Variants in KLHL4 observed in about 807,000 individuals in gnomAD.
KLHL4 encodes kelch like family member 4.
In KLHL4, 17 loss-of-function variants were observed where a neutral mutation model predicts 45.8. That is an observed-to-expected ratio of 0.37 (90% CI 0.25 to 0.56). KLHL4 has a LOEUF of 0.56. Ranked by LOEUF, KLHL4 falls within the 20% of genes least tolerant of loss-of-function variation. The probability of loss-of-function intolerance (pLI) is 0.79; values close to 1 mark genes in which losing one functional copy is unlikely to be tolerated. For synonymous variants in KLHL4, 224 were observed against 189.9 expected (o/e 1.18, Z -1.47); for missense variants, 544 against 544.9 (o/e 1.00, Z 0.02).
At chrX:87,623,530 G>A (rs1922828069) in intron 5 of KLHL4, among the ~76,000 whole-genome samples, 1 of 110,213 alleles carries the variant, frequency 9.1e-6, no homozygotes. Flanking sequence ...CTGACCTTGT[G>A]ATCCACCTGC....
chrX:87,519,777 T>G (rs1358716423), intron 1 of KLHL4, among the ~76,000 whole-genome samples: 1 of 112,175 alleles, frequency 8.9e-6, no homozygotes, highest in East Asian at 2.8e-4. Context: ...CTGCTGAATT[T>G]GGAGATTAAT....
intron 1 of KLHL4, among the ~76,000 whole-genome samples, chrX:87,540,526 G>A (rs947296132): frequency 4.6e-5 from 5 of 109,754 alleles, no homozygotes; most frequent in African/African-American, 1.3e-4. Flanking sequence ...ACAAACACAC[G>A]CATAATCCTA....
intron 1 of KLHL4, among the ~76,000 whole-genome samples, chrX:87,530,945 T>A (rs1369271589): frequency 9.0e-6 from 1 of 111,187 alleles, no homozygotes; most frequent in African/African-American, 3.3e-5. Flanking sequence ...GTTTCCTGAC[T>A]TTTTAATGAT....
intron 1 of KLHL4, among the ~76,000 whole-genome samples, chrX:87,519,248 GT>G (rs1391979965): frequency 3.6e-5 from 4 of 111,690 alleles, no homozygotes; most frequent in Non-Finnish European, 7.5e-5. Flanking sequence ...AAAAATAAGT[GT>G]TTTTATGCAT....
chrX:87,596,572 A>G (rs996773734), intron 1 of KLHL4, among the ~76,000 whole-genome samples: 3 of 112,201 alleles, frequency 2.7e-5, no homozygotes, highest in African/African-American at 9.7e-5. Context: ...TAAATAAAAT[A>G]CATAAGTCTA....
Position 87,664,616 on chromosome X carries a change from T to A in KLHL4, c.1926-148T>A, listed in dbSNP as rs182902154. 2.2e-3 allele frequency: 892 copies of A among 411,675 alleles called. 7 individuals carry two copies. The highest frequency in any genetic ancestry group is 0.02 in the African/African-American group (794 of 39,752). The allele number at this position is 411,675 out of a possible 1,213,427, so 33.9% of individuals were successfully genotyped here. On this transcript the variant is annotated intron_variant, in intron 9 of 10. Coordinates refer to ENST00000373119, the MANE Select transcript of KLHL4 (RefSeq NM_019117.5). ...TGAAGGTAATTTTGTCACGTACATA[T>A]CCTTAATATTATCCAATCTACATTT...
intron 1 of KLHL4, among the ~76,000 whole-genome samples, chrX:87,582,834 G>C (rs988218508): frequency 8.9e-6 from 1 of 111,866 alleles, no homozygotes; most frequent in Non-Finnish European, 1.9e-5. Flanking sequence ...AAGATTTATT[G>C]TGAAGAGCGG....
At chrX:87,609,916 A>T (rs957727091) in intron 1 of KLHL4, among the ~76,000 whole-genome samples, 3 of 111,670 alleles carry the variant, frequency 2.7e-5, no homozygotes, top group Admixed American at 9.6e-5. Flanking sequence ...GGACAACATC[A>T]TGTCATTCAT....
intron 1 of KLHL4, 46 bp downstream of exon 1, chrX:87,518,361 C>A: frequency 1.0e-6 from 1 of 981,801 alleles, no homozygotes; most frequent in Non-Finnish European, 1.4e-6. Flanking sequence ...CTTCAGTTAA[C>A]TTATCCTCTA....
In KLHL4 at chrX:87,625,591, A is replaced by G. The variant is rs377161003; in HGVS notation, c.1138-19A>G. ...ATGGTGAACTCTCCATTCATATACC[A>G]TGCATCACTACTTTTCAGTTACTGG... On this transcript the variant is annotated intron_variant, in intron 5 of 10. Coordinates refer to ENST00000373119, the MANE Select transcript of KLHL4 (RefSeq NM_019117.5). 3 of 1,164,009 alleles carry G rather than the reference A, an allele frequency of 2.6e-6. No individual in the cohort carries two copies. The highest frequency in any genetic ancestry group is 3.6e-5 in the African/African-American group (2 of 55,840).
rs56221425 is a variant in KLHL4 at position 87,625,284 on chromosome X, A to G, written c.1138-326A>G. Among the ~76,000 whole-genome samples the G allele has an allele frequency of 9.5e-3, 1,065 of 112,108 alleles. 13 individuals are homozygous for G. Among genetic ancestry groups the G allele is most frequent in the Non-Finnish European group, 0.014 (753 of 53,173 alleles). On this transcript the variant is annotated intron_variant, in intron 5 of 10. Transcript: ENST00000373119. ...AAAAGCATGAAATATTCAAACTTCT[A>G]CATTTCGGTTTGCTCAAGTTTTCTC...
At chrX:87,535,903 T>C (rs1033742330) in intron 1 of KLHL4, among the ~76,000 whole-genome samples, 1 of 110,125 alleles carries the variant, frequency 9.1e-6, no homozygotes, top group African/African-American at 3.3e-5. Context: ...TCTCTTTTGC[T>C]CCTTCTCCAA....
chrX:87,544,416 GAC>G (rs1931631179), intron 1 of KLHL4, among the ~76,000 whole-genome samples: 1 of 111,822 alleles, frequency 8.9e-6, no homozygotes, highest in African/African-American at 3.3e-5. Flanking sequence ...TGAAGGGAAA[GAC>G]ACAGTCTTGG....
At chrX:87,535,987 G>T (rs1931420347) in intron 1 of KLHL4, among the ~76,000 whole-genome samples, 1 of 110,213 alleles carries the variant, frequency 9.1e-6, no homozygotes, top group South Asian at 3.9e-4. Context: ...CCAAGCAGAT[G>T]CCAGGCTTAT....
chrX:87,590,858 G>A (rs761577818), intron 1 of KLHL4, among the ~76,000 whole-genome samples: 1 of 111,750 alleles, frequency 8.9e-6, no homozygotes. Context: ...ACATTCCATT[G>A]TGTATATACA....
At chrX:87,665,545 G>A (rs1328626110) in intron 10 of KLHL4, among the ~76,000 whole-genome samples, 2 of 111,678 alleles carry the variant, frequency 1.8e-5, no homozygotes, top group African/African-American at 6.5e-5. Flanking sequence ...GCATTGAAAT[G>A]GCATCTTTGA....
chrX:87,644,572 A>C (rs191670921), intron 9 of KLHL4, among the ~76,000 whole-genome samples: 9 of 111,578 alleles, frequency 8.1e-5, no homozygotes, highest in Non-Finnish European at 1.5e-4. Flanking sequence ...ATTCATATGG[A>C]ACCAAAAAAG....
intron 9 of KLHL4, among the ~76,000 whole-genome samples, chrX:87,645,187 C>T (rs1413985104): frequency 1.8e-5 from 2 of 111,971 alleles, no homozygotes; most frequent in African/African-American, 3.2e-5. Flanking sequence ...CTACAATGAA[C>T]TCAAACAAAT....
chrX:87,559,338 A>C (rs17325871), intron 1 of KLHL4, among the ~76,000 whole-genome samples: 22,094 of 111,054 alleles, frequency 0.2, 1,633 homozygotes, highest in East Asian at 0.25. Flanking sequence ...GTGAGACTTG[A>C]AGGCAATGTT....
Sources: allele counts gnomAD v4.1 joint callset (sites outside exome capture counted in the v4.1 genomes callset), GRCh38; gene constraint gnomAD v4.1.1; transcripts MANE v1.5; gene names NCBI Gene and HGNC (gene_info 2026-07-23, HGNC 2026-07-21).